Variants in HERC2 observed in about 807,000 individuals in gnomAD.
The protein encoded by HERC2 is HECT and RLD domain containing E3 ubiquitin protein ligase 2, also known as E3 ubiquitin-protein ligase HERC2.
In HERC2, 102 loss-of-function variants were observed where a neutral mutation model predicts 537.7. The ratio of observed to expected loss-of-function variants is 0.19; its 90% CI spans 0.16 to 0.22. HERC2 has a LOEUF of 0.22. Among genes scored for constraint, HERC2 ranks in the 10% least tolerant of loss-of-function variants. HERC2 has a pLI of 1.00. For missense variants in HERC2, 4,236 were observed against 6,198.2 expected (o/e 0.68, Z 10.63); for synonymous variants, 2,224 against 2,466.2 (o/e 0.90, Z 2.91).
rs1437192762 is a variant in HERC2 at position 28,176,101 on chromosome 15, G to A, written c.9686+327C>T. 6.6e-6 allele frequency among the ~76,000 whole-genome samples: 1 copy of A among 152,114 alleles called. No homozygotes were observed. The highest frequency in any genetic ancestry group is 2.4e-5 in the African/African-American group (1 of 41,408). On this transcript the variant is annotated intron_variant, in intron 63 of 92. Transcript: ENST00000261609. This position sits in a 1 kb window ranked among gnomAD's most constrained non-coding sequence, Gnocchi z 5.0. ...CAAGAAACACATGTTAACTTTTTCA[G>A]GATCAAAGGATTCAGAAGGCTATTT...
At chr15:28,220,731 G>C in intron 36 of HERC2, 87 bp from the exon 37 acceptor site, 1 of 1,111,226 alleles carries the variant, frequency 9.0e-7, no homozygotes, top group South Asian at 1.3e-5. Context: ...CAGTTAGGAG[G>C]GTGCATGCCC....
In HERC2 at chr15:28,256,231, C is replaced by G. The variant is rs139718674; in HGVS notation, c.2604G>C (p.Thr868=). Residue 868 remains threonine (T), a synonymous_variant, in exon 18 of 93, where the codon ACG becomes ACC. Coordinates refer to ENST00000261609, the MANE Select transcript of HERC2 (RefSeq NM_004667.6). ...GSILLNSLKQ[T]VVTLASSAGV... is the part of the protein sequence containing the mutation. ...CCGCACTGCTGGCCAGGGTCACCAC[C>G]GTCTGCTTCAGGCTGTTCAGGAGGA... The G allele has an allele frequency of 6.3e-7, 1 of 1,599,720 alleles. No homozygotes were observed.
intron 78 of HERC2, among the ~76,000 whole-genome samples, chr15:28,139,937 G>C (rs990371101): frequency 6.6e-6 from 1 of 151,286 alleles, no homozygotes; most frequent in African/African-American, 2.4e-5. Flanking sequence ...GCGTGGTGGC[G>C]GGCGCCTGTT....
intron 57 of HERC2, 81 bp from the exon 58 acceptor site, chr15:28,179,304 G>T: frequency 9.3e-7 from 1 of 1,069,706 alleles, no homozygotes. Flanking sequence ...CTTATTATAT[G>T]ATACAAGGAA....
intron 5 of HERC2, among the ~76,000 whole-genome samples, chr15:28,276,944 A>G (rs1333988461): frequency 6.6e-6 from 1 of 152,058 alleles, no homozygotes; most frequent in East Asian, 1.9e-4. Context: ...GTGTGGTGTC[A>G]TGCATCTGTA....
intron 19 of HERC2, 55 bp from the exon 20 acceptor site, chr15:28,254,573 A>G (rs543515537): frequency 4.7e-6 from 6 of 1,282,850 alleles, no homozygotes; most frequent in Middle Eastern, 3.8e-4. Context: ...AGGTGTGAAG[A>G]CACACAGGCT....
intron 69 of HERC2, among the ~76,000 whole-genome samples, chr15:28,159,146 C>T (rs1032002419): frequency 6.6e-6 from 1 of 152,166 alleles, no homozygotes; most frequent in Non-Finnish European, 1.5e-5. Flanking sequence ...GTAACCCGAC[C>T]TTTCTCTCTG....
chr15:28,129,974 C>A (rs1186848555), intron 83 of HERC2, among the ~76,000 whole-genome samples, 189 bp downstream of exon 83: 1 of 152,082 alleles, frequency 6.6e-6, no homozygotes, highest in East Asian at 1.9e-4. Context: ...TGATGTTTAC[C>A]GTGTAGGCCA....
chr15:28,204,118 G>A (rs570622745), intron 45 of HERC2, among the ~76,000 whole-genome samples: 12 of 152,112 alleles, frequency 7.9e-5, no homozygotes, highest in African/African-American at 1.7e-4. Context: ...CTCCAGAGGC[G>A]GCAGAACCCA....
At chr15:28,314,895 T>G (rs1343667677) in intron 2 of HERC2, among the ~76,000 whole-genome samples, 3 of 151,932 alleles carry the variant, frequency 2.0e-5, no homozygotes, top group Non-Finnish European at 2.9e-5. Context: ...TGTCAACACA[T>G]GAAAATTATC....
chr15:28,228,339 C>A lies in HERC2; in HGVS notation c.5343G>T (p.Pro1781=), dbSNP rs779300599. The A allele has an allele frequency of 7.4e-6, 12 of 1,612,160 alleles. No individual in the cohort carries two copies. Among genetic ancestry groups the A allele is most frequent in the Middle Eastern group, 4.4e-4 (2 of 4,592 alleles). Residue 1781 remains proline, a synonymous_variant, in exon 35 of 93, where the codon CCG becomes CCT. Transcript: ENST00000261609. ...NPSGPSLGTI[P]QARFLLVMLS... ...GCATCACCAGGAGGAAGCGGGCTTG[C>A]GGGATGGTCCCCAGGCTCGGTCCTG...
chr15:28,178,761 T>C (rs1895538979), intron 59 of HERC2, 126 bp downstream of exon 59: 5 of 1,058,850 alleles, frequency 4.7e-6, no homozygotes, highest in Non-Finnish European at 6.6e-6. Flanking sequence ...ATTTACATTA[T>C]CCAATTTTTA....
rs1439810471 is a variant in HERC2, at chr15:28,257,219, G to A, written c.2359C>T (p.Arg787Cys). The A allele has an allele frequency of 2.5e-6, 4 of 1,613,930 alleles. No homozygotes were observed. The highest frequency in any genetic ancestry group is 1.3e-5 in the African/African-American group (1 of 75,030). The change falls in exon 17 of 93, where the codon CGT becomes TGT. Residue 787 changes from arginine to cysteine, a missense_variant. This residue lies in a region of HERC2 where 754 missense variants were observed against 1,085.0 expected (regional missense o/e 0.69). Coordinates refer to ENST00000261609, the MANE Select transcript of HERC2 (RefSeq NM_004667.6). ...SSCSEWSIGL[R>C]VPFVVDICSM... is the part of the protein sequence containing the mutation. ...CAGATGTCCACCACAAAAGGGACAC[G>A]GAGGCCAATGGACCACTCAGAACAT...
intron 30 of HERC2, among the ~76,000 whole-genome samples, chr15:28,232,219 G>A (rs1901938532): frequency 6.6e-6 from 1 of 152,166 alleles, no homozygotes; most frequent in South Asian, 2.1e-4. Context: ...CAATAAGCAG[G>A]TTTGTGAGTA....
intron 66 of HERC2, among the ~76,000 whole-genome samples, chr15:28,168,977 T>C (rs1453624034): frequency 6.6e-6 from 1 of 152,232 alleles, no homozygotes; most frequent in Admixed American, 6.5e-5. Flanking sequence ...AACGACTCAA[T>C]GGCCTCTACT....
chr15:28,223,834 T>G (rs1451171354), intron 35 of HERC2, among the ~76,000 whole-genome samples: 2 of 152,262 alleles, frequency 1.3e-5, no homozygotes, highest in East Asian at 3.9e-4. Context: ...CCTTGCTTTT[T>G]GCAGCCAGTG....
In HERC2 at chr15:28,234,124, G is replaced by A. The variant is rs1902173183; in HGVS notation, c.4164C>T (p.Ser1388=). The A allele has an allele frequency of 2.4e-6, 2 of 820,238 alleles. No homozygotes were observed. The allele number at this position is 820,238 out of a possible 1,614,324, so 50.8% of individuals were successfully genotyped here. ...CTGCAATGGCTTGCAGAAATGCCTG[G>A]GAATGGTCCCCCAGGGCCCGTCTGT... is the stretch of plus-strand genomic sequence containing the variant. ...CSHRRALGDH[S]QAFLQAIADN... The change falls in exon 27 of 93, where the codon TCC becomes TCT. Residue 1388 remains serine (S), a synonymous_variant. Coordinates refer to ENST00000261609, the MANE Select transcript of HERC2 (RefSeq NM_004667.6).
At chr15:28,231,908 A>G (rs1186681992) in intron 30 of HERC2, among the ~76,000 whole-genome samples, 1 of 152,106 alleles carries the variant, frequency 6.6e-6, no homozygotes. Flanking sequence ...AAACTCTAAA[A>G]GTGACAGTGT....
Position 28,178,909 on chromosome 15 carries a change from G to A in HERC2, c.9141C>T (p.Val3047=), listed in dbSNP as rs760645443. The change falls in exon 59 of 93, where the codon GTC becomes GTT. Residue 3047 remains valine (V), a synonymous_variant. Transcript: ENST00000261609. ...RQITALSSYV[V]KKVAVHSGGR... ...TACCTGAGTGAACAGCCACCTTCTTGACCACGTAGCTGCTGAGAGCTGTGA... is the reference window on the plus strand; with the variant it reads ...TACCTGAGTGAACAGCCACCTTCTTAACCACGTAGCTGCTGAGAGCTGTGA... The A allele has an allele frequency of 6.2e-7, 1 of 1,613,920 alleles. No homozygotes were observed. The highest frequency in any genetic ancestry group is 8.5e-7 in the Non-Finnish European group (1 of 1,180,018).
Sources: gnomAD v4.1 joint callset for allele counts (sites outside exome capture counted in the v4.1 genomes callset) on GRCh38, gnomAD v4.1.1 for gene constraint, gnomAD v4.1.1 regional missense constraint, Gnocchi (gnomAD v3.1) non-coding constraint, MANE v1.5 for transcripts, NCBI Gene and HGNC (gene_info 2026-07-23, HGNC 2026-07-21) for gene names.